Variants in FSTL5 observed in about 807,000 individuals in gnomAD.
FSTL5 encodes follistatin-related protein 5.
FSTL5 carries 62 observed loss-of-function variants against 89.1 expected under a neutral mutation model. The ratio of observed to expected loss-of-function variants is 0.70; its 90% CI spans 0.57 to 0.86. FSTL5 has a LOEUF of 0.86. Ranked by LOEUF, FSTL5 falls within the 40% of genes least tolerant of loss-of-function variation. The pLI is 0.00. For missense variants in FSTL5, 1,057 were observed against 1,001.6 expected, an observed-to-expected ratio of 1.06 and a Z score of -0.75; for synonymous variants, 383 against 346.2, an observed-to-expected ratio of 1.11 and a Z score of -1.18.
At chr4:161,464,675 T>G (rs1733691879) in intron 13 of FSTL5, among the ~76,000 whole-genome samples, 1 of 152,328 alleles carries the variant, frequency 6.6e-6, no homozygotes, top group East Asian at 1.9e-4. Flanking sequence ...AGTGAAATAG[T>G]ATTCTCAATT....
At chr4:161,704,220 C>T (rs1251591259) in intron 6 of FSTL5, among the ~76,000 whole-genome samples, 1 of 152,126 alleles carries the variant, frequency 6.6e-6, no homozygotes, top group Non-Finnish European at 1.5e-5. Flanking sequence ...GACCCAGAAG[C>T]CCCCTCCCTG....
intron 4 of FSTL5, among the ~76,000 whole-genome samples, chr4:161,882,065 A>C (rs1732652317): frequency 6.6e-6 from 1 of 152,096 alleles, no homozygotes; most frequent in African/African-American, 2.4e-5. Context: ...GCAGTTTAAG[A>C]CAAAAATATA....
chr4:161,544,149 C>A (rs1175916077), intron 8 of FSTL5, among the ~76,000 whole-genome samples: 1 of 151,492 alleles, frequency 6.6e-6, no homozygotes, highest in Non-Finnish European at 1.5e-5. Context: ...TAAAAAAAAT[C>A]AAAAAGAGGG....
chr4:162,159,233 G>T (rs540892063), intron 1 of FSTL5, among the ~76,000 whole-genome samples: 6 of 152,076 alleles, frequency 3.9e-5, no homozygotes, highest in African/African-American at 1.4e-4. Context: ...TATAGTTCAG[G>T]TGTGTATGTT....
chr4:162,012,104 A>G (rs1001559661), intron 3 of FSTL5, among the ~76,000 whole-genome samples: 49 of 152,188 alleles, frequency 3.2e-4, no homozygotes, highest in African/African-American at 1.2e-3. Flanking sequence ...CATGTGATGC[A>G]CTACGTTCCA....
At chr4:161,827,151 T>G (rs752153259) in intron 4 of FSTL5, among the ~76,000 whole-genome samples, 1 of 152,148 alleles carries the variant, frequency 6.6e-6, no homozygotes, top group Non-Finnish European at 1.5e-5. Flanking sequence ...GGGTGCTCCC[T>G]TGATGTGGTG....
intron 6 of FSTL5, among the ~76,000 whole-genome samples, chr4:161,751,066 A>C (rs961239193): frequency 8.5e-5 from 13 of 152,200 alleles, no homozygotes; most frequent in African/African-American, 2.9e-4. Flanking sequence ...AGCAAAATGT[A>C]CCAGTTAGAG....
At chr4:161,570,138 G>A (rs755497525) in intron 8 of FSTL5, among the ~76,000 whole-genome samples, 4 of 152,156 alleles carry the variant, frequency 2.6e-5, no homozygotes, top group Non-Finnish European at 5.9e-5. Context: ...GAGTATTTTA[G>A]GCTATGTGCA....
intron 12 of FSTL5, among the ~76,000 whole-genome samples, chr4:161,496,491 AG>A (rs1319581609): frequency 6.6e-6 from 1 of 152,166 alleles, no homozygotes; most frequent in Non-Finnish European, 1.5e-5. Context: ...GCAAAGACTA[AG>A]GTTTTTTCAA....
chr4:161,414,310 A>G (rs1217452028), intron 15 of FSTL5, among the ~76,000 whole-genome samples: 1 of 152,106 alleles, frequency 6.6e-6, no homozygotes, highest in Non-Finnish European at 1.5e-5. Flanking sequence ...TCTTCAATCC[A>G]CTCTTAATTT....
At chr4:161,908,682 C>A (rs1733606218) in intron 4 of FSTL5, among the ~76,000 whole-genome samples, 1 of 152,054 alleles carries the variant, frequency 6.6e-6, no homozygotes, top group Non-Finnish European at 1.5e-5. Flanking sequence ...TTAAAATATG[C>A]ATAACTTAGA....
chr4:161,452,301 C>T (rs1051148368), intron 15 of FSTL5, among the ~76,000 whole-genome samples: 1 of 152,070 alleles, frequency 6.6e-6, no homozygotes, highest in Non-Finnish European at 1.5e-5. Flanking sequence ...GATGGTGAAA[C>T]TCCGTCTCTA....
intron 3 of FSTL5, among the ~76,000 whole-genome samples, chr4:161,990,539 T>G (rs1736082213): frequency 6.6e-6 from 1 of 152,094 alleles, no homozygotes; most frequent in Non-Finnish European, 1.5e-5. Context: ...AATTATTCTC[T>G]TATAAACTCA....
intron 4 of FSTL5, among the ~76,000 whole-genome samples, chr4:161,804,533 C>CTA (rs1279915217): frequency 2.1e-5 from 1 of 48,232 alleles, no homozygotes; most frequent in African/African-American, 3.4e-5. Flanking sequence ...TGTACAACCA[C>CTA]TGTTTTTTCA....
intron 8 of FSTL5, among the ~76,000 whole-genome samples, chr4:161,572,837 C>G (rs1264482203): frequency 2.0e-5 from 3 of 152,062 alleles, no homozygotes; most frequent in Non-Finnish European, 4.4e-5. Flanking sequence ...GAGAAATAAA[C>G]TTGACAAATA....
At chr4:161,689,560 T>C (rs967280953) in intron 6 of FSTL5, among the ~76,000 whole-genome samples, 2 of 152,182 alleles carry the variant, frequency 1.3e-5, no homozygotes, top group African/African-American at 4.8e-5. Flanking sequence ...CTTTTTAATA[T>C]GGCTATTAGA....
chr4:161,976,590 T>C (rs1017917346), intron 3 of FSTL5, among the ~76,000 whole-genome samples: 6 of 152,064 alleles, frequency 3.9e-5, no homozygotes, highest in Non-Finnish European at 7.4e-5. Flanking sequence ...CACGCCATTC[T>C]CCCGCCTCAG....
At chr4:161,840,124 GC>G (rs1731167234) in intron 4 of FSTL5, among the ~76,000 whole-genome samples, 1 of 152,150 alleles carries the variant, frequency 6.6e-6, no homozygotes, top group African/African-American at 2.4e-5. Flanking sequence ...ATTTGTAGAA[GC>G]CCTGTTAGGG....
At chr4:161,909,829 T>C (rs957226982) in intron 4 of FSTL5, among the ~76,000 whole-genome samples, 3 of 152,088 alleles carry the variant, frequency 2.0e-5, no homozygotes, top group East Asian at 1.9e-4. Context: ...CCTGTTCCTC[T>C]TGCCGGATAA....
Sources: allele counts gnomAD v4.1 joint callset (sites outside exome capture counted in the v4.1 genomes callset), GRCh38; gene constraint gnomAD v4.1.1; transcripts MANE v1.5; gene names NCBI Gene and HGNC (gene_info 2026-07-23, HGNC 2026-07-21).